The following CDH23 variants were observed in gnomAD, a reference collection of about 807,000 sequenced individuals.
The protein encoded by CDH23 is cadherin related 23.
A neutral mutation model predicts 317.1 loss-of-function variants in CDH23; 189 were observed. The observed-to-expected ratio is 0.60, with a 90% CI of 0.53 to 0.67. The LOEUF is 0.67. CDH23 is among the 30% of genes least tolerant of loss of function. CDH23 has a pLI of 0.00. For missense variants in CDH23, 4,401 were observed against 4,592.4 expected (o/e 0.96, Z 1.20); for synonymous variants, 1,839 against 1,876.8 (o/e 0.98, Z 0.52).
chr10:71,426,359 T>C (rs1849079026), intron 1 of CDH23, among the ~76,000 whole-genome samples: 1 of 152,230 alleles, frequency 6.6e-6, no homozygotes, highest in Non-Finnish European at 1.5e-5. Context: ...GCCCAGGACC[T>C]GGGGTCTTCC....
At chr10:71,597,187 C>A (rs1040635554) in intron 9 of CDH23, among the ~76,000 whole-genome samples, 1 of 150,824 alleles carries the variant, frequency 6.6e-6, no homozygotes, top group Non-Finnish European at 1.5e-5. Flanking sequence ...GGGCAGGAAC[C>A]GATGGCAGTC....
intron 9 of CDH23, among the ~76,000 whole-genome samples, chr10:71,595,559 T>C (rs555071047): frequency 2.0e-4 from 30 of 152,276 alleles, no homozygotes; most frequent in Middle Eastern, 3.4e-3. Flanking sequence ...ATTTGTCTCT[T>C]TGACATTCTT....
rs1312115269 is a variant in CDH23, at chr10:71,677,703, C to A, written c.1752+10C>A. ...GCTGGTGCGGCTCCGGGTAAGGTGC[C>A]AGGGAGCCCTGCACTCCTGCCATTT... On this transcript the variant is annotated intron_variant, in intron 16 of 69. Transcript: ENST00000224721. 6.5e-7 allele frequency: 1 copy of A among 1,547,964 alleles called. No homozygotes were observed. The highest frequency in any genetic ancestry group is 1.4e-5 in the African/African-American group (1 of 73,046).
At chr10:71,537,635 T>C (rs1589179998) in intron 6 of CDH23, among the ~76,000 whole-genome samples, 1 of 152,148 alleles carries the variant, frequency 6.6e-6, no homozygotes, top group Admixed American at 6.5e-5. Flanking sequence ...CCGCAGGCTT[T>C]TGGTTTCTCC....
At chr10:71,405,743 T>C (rs1848068057) in intron 1 of CDH23, among the ~76,000 whole-genome samples, 1 of 152,186 alleles carries the variant, frequency 6.6e-6, no homozygotes, top group Admixed American at 6.5e-5. Context: ...CAGCCACGGA[T>C]GGACTTTCAC....
At chr10:71,508,640 A>G (rs1853777946) in intron 3 of CDH23, among the ~76,000 whole-genome samples, 2 of 152,166 alleles carry the variant, frequency 1.3e-5, no homozygotes. Flanking sequence ...CTTGATTTTC[A>G]GAGCTATTTG....
At chr10:71,648,091 A>G (rs762717388) in intron 14 of CDH23, among the ~76,000 whole-genome samples, 1 of 152,196 alleles carries the variant, frequency 6.6e-6, no homozygotes, top group Non-Finnish European at 1.5e-5. Flanking sequence ...TTAATATTTC[A>G]AACAGATGTT....
At chr10:71,611,080 C>T (rs1860856450) in intron 9 of CDH23, among the ~76,000 whole-genome samples, 1 of 152,096 alleles carries the variant, frequency 6.6e-6, no homozygotes, top group South Asian at 2.1e-4. Context: ...CCCCAGCCCC[C>T]CATGGGAATT....
In CDH23 at chr10:71,799,252, ACC is replaced by A; in HGVS notation, c.7199_7200del (p.Pro2400HisfsTer3). The A allele has an allele frequency of 6.2e-7, 1 of 1,613,954 alleles. No homozygotes were observed. The highest frequency in any genetic ancestry group is 8.5e-7 in the Non-Finnish European group (1 of 1,179,868). ...GAAATCGTGGACATCAATGACAACAACCCCATCTTTGACCAGCCCTCCTACCA... is the reference window on the plus strand; with the variant it reads ...GAAATCGTGGACATCAATGACAACAACCATCTTTGACCAGCCCTCCTACCA... On this transcript the variant is annotated frameshift_variant, in exon 51 of 70. Transcript: ENST00000224721. LOFTEE classifies it high-confidence loss of function.
At position 71,609,993 on chromosome 10, in the gene CDH23, T is replaced by TGAGAGA. The variant is rs1269367633; in HGVS notation, c.833-5510_833-5509insAGAGAG. Among the ~76,000 whole-genome samples the TGAGAGA allele has an allele frequency of 1.5e-3, 200 of 137,784 alleles. 2 individuals carry two copies. In the East Asian group the frequency reaches 0.017, roughly 12 times the overall value. The allele number at this position is 137,784 out of a possible 152,430, so 90.4% of individuals were successfully genotyped here. ...GTGTGTGTGTGTGTGTGTGTGTGTG[T>TGAGAGA]GTGAGAGAGACAGAGAGACGAGAGA... On this transcript the variant is annotated intron_variant, in intron 9 of 69. Coordinates refer to ENST00000224721, the MANE Select transcript of CDH23 (RefSeq NM_022124.6).
chr10:71,648,188 G>C, intron 14 of CDH23, among the ~76,000 whole-genome samples: 1 of 152,204 alleles, frequency 6.6e-6, no homozygotes, highest in Non-Finnish European at 1.5e-5. Context: ...GACTCCTCCA[G>C]CTTTCACCAA....
intron 9 of CDH23, among the ~76,000 whole-genome samples, chr10:71,596,066 C>G (rs1859820584): frequency 6.6e-6 from 1 of 152,108 alleles, no homozygotes. Context: ...TCCCTGGCAC[C>G]AAGGGTGGCG....
At chr10:71,403,391 CTT>C (rs1491443391) in intron 1 of CDH23, among the ~76,000 whole-genome samples, 8 of 106,780 alleles carry the variant, frequency 7.5e-5, no homozygotes, top group Non-Finnish European at 1.1e-4. Flanking sequence ...TTCTTTCTTT[CTT>C]TCTTTCTTTC....
At chr10:71,452,203 T>A (rs1218744452) in intron 3 of CDH23, among the ~76,000 whole-genome samples, 1 of 151,316 alleles carries the variant, frequency 6.6e-6, no homozygotes, top group African/African-American at 2.5e-5. Context: ...GGTAGCAGCA[T>A]GAAGCCTGGC....
At chr10:71,582,555 T>A (rs1010994974) in intron 9 of CDH23, among the ~76,000 whole-genome samples, 1 of 152,218 alleles carries the variant, frequency 6.6e-6, no homozygotes, top group African/African-American at 2.4e-5. Context: ...TAGAGTTAGG[T>A]GGCCTCGGCT....
chr10:71,667,027 G>A lies in CDH23; in HGVS notation c.1450-8085G>A, dbSNP rs192448355. Among the ~76,000 whole-genome samples, 473 of 152,302 alleles carry A rather than the reference G, an allele frequency of 3.1e-3. 1 individual carries two copies. The highest frequency in any genetic ancestry group is 6.0e-3 in the South Asian group (29 of 4,830). Reference sequence around the variant, plus strand: ...TATTGTTTCCTGAACAAATTGTACCGCGTGCCCTTCTCTGCAGATTTGTGC... The same window carrying A: ...TATTGTTTCCTGAACAAATTGTACCACGTGCCCTTCTCTGCAGATTTGTGC... On this transcript the variant is annotated intron_variant, in intron 14 of 69. Transcript: ENST00000224721.
intron 3 of CDH23, among the ~76,000 whole-genome samples, chr10:71,456,069 G>C (rs1214921729): frequency 6.6e-6 from 1 of 151,954 alleles, no homozygotes; most frequent in African/African-American, 2.4e-5. Flanking sequence ...GGGAATTGAA[G>C]TTTGGAGAAG....
intron 6 of CDH23, among the ~76,000 whole-genome samples, chr10:71,564,755 G>A (rs1857307479): frequency 6.6e-6 from 1 of 152,222 alleles, no homozygotes; most frequent in Admixed American, 6.5e-5. Context: ...CGGCTACCCT[G>A]TTTCCTGTTG....
intron 14 of CDH23, among the ~76,000 whole-genome samples, chr10:71,667,080 G>A (rs983653105): frequency 2.0e-5 from 3 of 152,224 alleles, no homozygotes; most frequent in East Asian, 1.9e-4. Flanking sequence ...CACCGGCACC[G>A]GCCGCCTGCC....
Sources: gnomAD v4.1 joint callset for allele counts (sites outside exome capture counted in the v4.1 genomes callset) on GRCh38, gnomAD v4.1.1 for gene constraint, MANE v1.5 for transcripts, NCBI Gene and HGNC (gene_info 2026-07-23, HGNC 2026-07-21) for gene names.